Variants in NUDT6 observed in about 807,000 individuals in gnomAD.
The protein encoded by NUDT6 is nudix hydrolase 6, also known as FAD diphosphatase NUDT6.
In NUDT6, 24 loss-of-function variants were observed where a neutral mutation model predicts 36.8. The observed-to-expected ratio is 0.65, with a 90% CI of 0.47 to 0.92. The LOEUF is 0.92. Ranked by LOEUF, NUDT6 falls within the 40% of genes least tolerant of loss-of-function variation. NUDT6 has a pLI of 0.00. For synonymous variants in NUDT6, 163 were observed against 157.0 expected (o/e 1.04, Z -0.29); for missense variants, 388 against 392.8 (o/e 0.99, Z 0.10).
intron 3 of NUDT6, among the ~76,000 whole-genome samples, chr4:122,906,415 T>G (rs1035138590): frequency 6.6e-6 from 1 of 152,212 alleles, no homozygotes; most frequent in Admixed American, 6.5e-5. Context: ...TACTTCTGTT[T>G]CCATCTGTAC....
Position 122,893,153 on chromosome 4 carries a change from C to T in NUDT6, c.626G>A (p.Arg209Gln), listed in dbSNP as rs1048201. ...KSEFRSVLSI[R>Q]QQHTNPGAFG... ...AGCTCCAGGATTTGTGTGCTGTTGC[C>T]GAATACTCAGGACGGACCTGAATTC... The change falls in exon 5 of 5, where the codon CGG (arginine) becomes CAG (glutamine). Residue 209 changes from arginine to glutamine, a missense_variant. By Grantham distance (43) the Arg-to-Gln change is conservative. Transcript: ENST00000304430. 303,675 of 1,613,870 alleles carry T rather than the reference C, an allele frequency of 0.19. 32,714 individuals are homozygous for T. The highest frequency in any genetic ancestry group is 0.47 in the East Asian group (20,872 of 44,866).
At chr4:122,915,414 G>A (rs1457006859) in intron 2 of NUDT6, among the ~76,000 whole-genome samples, 3 of 139,952 alleles carry the variant, frequency 2.1e-5, no homozygotes, top group Non-Finnish European at 3.0e-5. Flanking sequence ...AGGTCGGAAT[G>A]AGCCCAGATC....
chr4:122,906,856 A>T (rs1727625951), intron 3 of NUDT6, among the ~76,000 whole-genome samples: 1 of 152,226 alleles, frequency 6.6e-6, no homozygotes, highest in South Asian at 2.1e-4. Flanking sequence ...ACCTCTGGTC[A>T]TCCTTACTGC....
intron 3 of NUDT6, among the ~76,000 whole-genome samples, chr4:122,902,374 T>C (rs1239560698): frequency 6.6e-6 from 1 of 152,202 alleles, no homozygotes; most frequent in East Asian, 1.9e-4. Context: ...CATTTATTCA[T>C]TTTATTATTT....
chr4:122,892,884 T>G lies in NUDT6; in HGVS notation c.895A>C (p.Lys299Gln). The change falls in exon 5 of 5, where the codon AAA becomes CAA. Residue 299 changes from lysine to glutamine, a missense_variant. Lys to Gln is a moderately conservative substitution (Grantham distance 53). Transcript: ENST00000304430. ...LPAVYTGLFY[K>Q]LYHKELPENY... The stretch of plus-strand genomic sequence containing the variant: ...TCTGGCAGTTCCTTATGATAGAGTT[T>G]ATAAAACAGTCCTGTGTAAACTGCT... The G allele has an allele frequency of 6.2e-7, 1 of 1,613,580 alleles. No individual in the cohort carries two copies.
intron 1 of NUDT6, chr4:122,921,262 C>T (rs1483448871): frequency 6.6e-6 from 1 of 152,194 alleles, no homozygotes; most frequent in Admixed American, 6.5e-5. Flanking sequence ...ATGTGACACT[C>T]TGAACCTCTC....
chr4:122,903,928 C>T (rs1048311540), intron 3 of NUDT6, among the ~76,000 whole-genome samples: 1 of 152,216 alleles, frequency 6.6e-6, no homozygotes, highest in Non-Finnish European at 1.5e-5. Context: ...TAAACCAGCA[C>T]CAGCTGAAGA....
chr4:122,906,443 G>A (rs1237427337), intron 3 of NUDT6, among the ~76,000 whole-genome samples: 1 of 152,082 alleles, frequency 6.6e-6, no homozygotes, highest in African/African-American at 2.4e-5. Context: ...CTTTCCATAT[G>A]TAAGAATCTT....
At chr4:122,922,626 C>G (rs1288247985), upstream of NUDT6, 3 of 1,460,926 alleles carry the variant, frequency 2.1e-6, no homozygotes, top group Admixed American at 3.6e-5. Flanking sequence ...CGCTCCAGAG[C>G]GGAGATCGCG....
chr4:122,916,423 C>T (rs945265768), intron 2 of NUDT6, among the ~76,000 whole-genome samples: 2 of 152,086 alleles, frequency 1.3e-5, no homozygotes, highest in Admixed American at 1.3e-4. Context: ...AGTAATTGTT[C>T]AAATCATTGA....
chr4:122,900,054 G>GCCC (rs1159974688), intron 3 of NUDT6, among the ~76,000 whole-genome samples: 175 of 84,132 alleles, frequency 2.1e-3, no homozygotes, highest in Middle Eastern at 6.8e-3. Flanking sequence ...ATGCACCCCC[G>GCCC]CCACCCCCCC....
chr4:122,893,745 G>A (rs3804158), intron 4 of NUDT6: 62,763 of 152,096 alleles, frequency 0.41, 15,851 homozygotes, highest in Non-Finnish European at 0.56. Flanking sequence ...ATGCAAATTT[G>A]TGTGGCAGGA....
Position 122,901,892 on chromosome 4 carries a change from C to T in NUDT6, c.499-4214G>A, listed in dbSNP as rs545026013. ...TATAAACACAACCCTTAAAAGACTA[C>T]TAATTTCTTTCAGCCATATCTCCAG... On this transcript the variant is annotated intron_variant, in intron 3 of 4. Transcript: ENST00000304430. 3.9e-5 allele frequency among the ~76,000 whole-genome samples: 6 copies of T among 152,278 alleles called. No individual in the cohort carries two copies. In the East Asian group the frequency reaches 1.2e-3, roughly 29 times the overall value.
chr4:122,908,324 C>T (rs929766072), intron 3 of NUDT6, among the ~76,000 whole-genome samples: 1 of 152,232 alleles, frequency 6.6e-6, no homozygotes, highest in Non-Finnish European at 1.5e-5. Flanking sequence ...CTGCAGGTCA[C>T]TCTGACCCAG....
At chr4:122,915,282 C>A (rs1727805739) in intron 2 of NUDT6, among the ~76,000 whole-genome samples, 1 of 151,972 alleles carries the variant, frequency 6.6e-6, no homozygotes. Context: ...CCAGCCTGGG[C>A]AACATGGCGA....
At chr4:122,912,759 C>A in intron 2 of NUDT6, 136 bp from the exon 3 acceptor site, 1 of 615,558 alleles carries the variant, frequency 1.6e-6, no homozygotes, top group East Asian at 2.8e-5. Context: ...TTGAGTATTC[C>A]TTATCTAAAA....
chr4:122,905,881 G>C (rs996854570), intron 3 of NUDT6, among the ~76,000 whole-genome samples: 1 of 152,152 alleles, frequency 6.6e-6, no homozygotes, highest in Non-Finnish European at 1.5e-5. Flanking sequence ...TTGCCATCCT[G>C]AATATTCCAG....
intron 1 of NUDT6, chr4:122,919,899 G>T (rs1727932205): frequency 2.0e-5 from 3 of 152,218 alleles, no homozygotes; most frequent in South Asian, 4.1e-4. Context: ...TATGCACTGG[G>T]GCTCAATTTG....
rs1727876623 is a variant in NUDT6, at chr4:122,917,781, G to A, written c.239-77C>T. 8 of 1,349,814 alleles carry A rather than the reference G, an allele frequency of 5.9e-6. No homozygotes were observed. The East Asian group carries it at 7.3e-5, about 12-fold the overall frequency. 83.6% of individuals were successfully genotyped at this position (1,349,814 alleles called of 1,614,324 possible). Reference sequence around the variant, plus strand: ...AAATTAAAACTCACCTCAGGGTTTCGCCTCCTCCAGGAAACCATCTTTAAG... The same window carrying A: ...AAATTAAAACTCACCTCAGGGTTTCACCTCCTCCAGGAAACCATCTTTAAG... On this transcript the variant is annotated intron_variant, in intron 1 of 4. Transcript: ENST00000304430.
Sources: gnomAD v4.1 joint callset for allele counts (sites outside exome capture counted in the v4.1 genomes callset) on GRCh38, gnomAD v4.1.1 for gene constraint, MANE v1.5 for transcripts, NCBI Gene and HGNC (gene_info 2026-07-23, HGNC 2026-07-21) for gene names.